EFCAB11: variants seen among roughly 807,000 people sequenced by gnomAD.
EFCAB11 encodes the protein EF-hand calcium binding domain 11.
EFCAB11 carries 14 observed loss-of-function variants against 23.0 expected under a neutral mutation model. That is an observed-to-expected ratio of 0.61 (90% CI 0.40 to 0.95). The LOEUF (loss-of-function observed/expected upper bound fraction) is 0.95, where lower values mean the gene tolerates loss of function less well. Ranked by LOEUF, EFCAB11 falls within the 40% of genes least tolerant of loss-of-function variation. EFCAB11 has a pLI of 0.00. For missense variants in EFCAB11, 198 were observed against 195.8 expected (o/e 1.01, Z -0.07); for synonymous variants, 65 against 66.6 (o/e 0.98, Z 0.11).
rs1889294937 is a variant in EFCAB11, at chr14:89,900,061, C to T, written c.410+31480G>A. 2.0e-5 allele frequency among the ~76,000 whole-genome samples: 3 copies of T among 152,032 alleles called. No homozygotes were observed. In the South Asian group the frequency reaches 6.2e-4, roughly 32 times the overall value. ...TCTATTACTCTCTTGCACTTGGAGTCGAATTTTCAATTGATTCTGGAGGGG... is the reference window on the plus strand; with the variant it reads ...TCTATTACTCTCTTGCACTTGGAGTTGAATTTTCAATTGATTCTGGAGGGG... On this transcript the variant is annotated intron_variant, in intron 5 of 5. Transcript: ENST00000316738.
At chr14:89,835,644 T>TGTGTGTGTGTGTGTGTGTGTGTGTG (rs1223325732) in intron 5 of EFCAB11, among the ~76,000 whole-genome samples, 5 of 57,924 alleles carry the variant, frequency 8.6e-5, no homozygotes, top group Admixed American at 3.1e-4. Context: ...GTGTGTGTGT[T>TGTGTGTGTGTGTGTGTGTGTGTGTG]TGAGACGTTG....
intron 5 of EFCAB11, among the ~76,000 whole-genome samples, chr14:89,805,371 G>A (rs1163991011): frequency 6.6e-6 from 1 of 152,200 alleles, no homozygotes; most frequent in Non-Finnish European, 1.5e-5. Flanking sequence ...GTTAACACAT[G>A]TCATTCCTCC....
At chr14:89,954,451 T>C (rs1053304479) in intron 1 of EFCAB11, 135 bp downstream of exon 1, 20 of 1,538,024 alleles carry the variant, frequency 1.3e-5, no homozygotes, top group Non-Finnish European at 1.7e-5. Flanking sequence ...GGATCAGTCA[T>C]TAACCACGAC....
chr14:89,930,132 G>A (rs1890339710), intron 5 of EFCAB11, among the ~76,000 whole-genome samples: 1 of 152,194 alleles, frequency 6.6e-6, no homozygotes, highest in South Asian at 2.1e-4. Flanking sequence ...TTTCCCATAA[G>A]CATTTTGTAT....
chr14:89,885,475 G>C (rs1299417121), intron 5 of EFCAB11, among the ~76,000 whole-genome samples: 1 of 152,002 alleles, frequency 6.6e-6, no homozygotes, highest in East Asian at 1.9e-4. Flanking sequence ...TCAGGAGATC[G>C]AGACCATCCT....
chr14:89,820,771 G>A (rs938860161), intron 5 of EFCAB11, among the ~76,000 whole-genome samples: 4 of 152,118 alleles, frequency 2.6e-5, no homozygotes, highest in African/African-American at 7.2e-5. Flanking sequence ...AGTAATAGAT[G>A]TATGATGGTT....
chr14:89,905,087 T>C (rs893458153), intron 5 of EFCAB11, among the ~76,000 whole-genome samples: 18 of 152,182 alleles, frequency 1.2e-4, no homozygotes, highest in Admixed American at 3.3e-4. Flanking sequence ...CACAGGTGCA[T>C]GCACAGGGAT....
intron 5 of EFCAB11, among the ~76,000 whole-genome samples, chr14:89,918,856 C>T (rs892034528): frequency 4.0e-5 from 6 of 151,580 alleles, no homozygotes; most frequent in Admixed American, 1.3e-4. Context: ...ATGTCAACTA[C>T]GTGCCATCCC....
At chr14:89,798,524 T>C (rs1885652342) in intron 5 of EFCAB11, among the ~76,000 whole-genome samples, 1 of 152,260 alleles carries the variant, frequency 6.6e-6, no homozygotes, top group African/African-American at 2.4e-5. Context: ...GGATTCTTAA[T>C]ATTGCCTAAG....
At chr14:89,907,606 A>G (rs1023458277) in intron 5 of EFCAB11, among the ~76,000 whole-genome samples, 2 of 152,200 alleles carry the variant, frequency 1.3e-5, no homozygotes, top group Non-Finnish European at 1.5e-5. Context: ...TCTTTATTCT[A>G]TTGAAACTGA....
chr14:89,856,570 C>T (rs1181295372), intron 5 of EFCAB11, among the ~76,000 whole-genome samples: 3 of 151,990 alleles, frequency 2.0e-5, no homozygotes, highest in Non-Finnish European at 2.9e-5. Flanking sequence ...TAAGAGTTCC[C>T]TCCTCTACAC....
intron 5 of EFCAB11, among the ~76,000 whole-genome samples, chr14:89,813,693 C>A (rs1199850134): frequency 2.7e-5 from 4 of 150,678 alleles, no homozygotes; most frequent in Non-Finnish European, 2.9e-5. Flanking sequence ...GTGCTCAGCA[C>A]ACAACCACTT....
chr14:89,882,637 C>A (rs1193789501), intron 5 of EFCAB11, among the ~76,000 whole-genome samples: 1 of 152,178 alleles, frequency 6.6e-6, no homozygotes, highest in African/African-American at 2.4e-5. Context: ...CGATTTCCTA[C>A]AGAGTGTACC....
chr14:89,811,767 T>C (rs978790526), intron 5 of EFCAB11, among the ~76,000 whole-genome samples: 1 of 152,216 alleles, frequency 6.6e-6, no homozygotes, highest in African/African-American at 2.4e-5. Flanking sequence ...AGCCCAATGA[T>C]GGCCATTTTG....
intron 3 of EFCAB11, among the ~76,000 whole-genome samples, chr14:89,948,855 G>T (rs12433459): frequency 1.5e-3 from 227 of 151,636 alleles, no homozygotes; most frequent in African/African-American, 5.3e-3. Context: ...AGGATGTTGG[G>T]GAGAGTTATG....
At chr14:89,863,862 A>C (rs1271298395) in intron 5 of EFCAB11, among the ~76,000 whole-genome samples, 1 of 152,202 alleles carries the variant, frequency 6.6e-6, no homozygotes, top group East Asian at 1.9e-4. Context: ...TCAAGTAAAA[A>C]CTAAAAAAAA....
chr14:89,869,045 A>AG (rs1345199906), intron 5 of EFCAB11, among the ~76,000 whole-genome samples: 1 of 152,080 alleles, frequency 6.6e-6, no homozygotes, highest in East Asian at 1.9e-4. Flanking sequence ...CTACAAAAAA[A>AG]AAATTAAATT....
chr14:89,950,488 C>A (rs1191700473), intron 2 of EFCAB11, among the ~76,000 whole-genome samples: 1 of 152,108 alleles, frequency 6.6e-6, no homozygotes, highest in African/African-American at 2.4e-5. Context: ...TTATAATGGG[C>A]TCTATGGCTC....
intron 5 of EFCAB11, among the ~76,000 whole-genome samples, chr14:89,856,459 G>A (rs1312932468): frequency 6.6e-6 from 1 of 151,934 alleles, no homozygotes; most frequent in Non-Finnish European, 1.5e-5. Context: ...CATAGTGCTG[G>A]GATTACAGGC....
Sources: allele counts gnomAD v4.1 joint callset (sites outside exome capture counted in the v4.1 genomes callset), GRCh38; gene constraint gnomAD v4.1.1; transcripts MANE v1.5; gene names NCBI Gene and HGNC (gene_info 2026-07-23, HGNC 2026-07-21).